Variants in ZFHX4 observed in about 807,000 individuals in gnomAD.
The protein encoded by ZFHX4 is zinc finger homeobox protein 4.
ZFHX4 carries 56 observed loss-of-function variants against 267.6 expected under a neutral mutation model. The ratio of observed to expected loss-of-function variants is 0.21; its 90% CI spans 0.17 to 0.26. The LOEUF is 0.26. ZFHX4 is among the 10% of genes least tolerant of loss of function. ZFHX4 has a pLI of 1.00. For missense variants in ZFHX4, 4,332 were observed against 4,420.0 expected, an observed-to-expected ratio of 0.98 and a Z score of 0.56; for synonymous variants, 1,778 against 1,665.6, an observed-to-expected ratio of 1.07 and a Z score of -1.64.
At chr8:76,810,024 T>C (rs1244637741) in intron 4 of ZFHX4, among the ~76,000 whole-genome samples, 2 of 152,176 alleles carry the variant, frequency 1.3e-5, no homozygotes, top group African/African-American at 2.4e-5. Context: ...CCCCATTTTT[T>C]TGAAGGTTAA....
chr8:76,703,221 T>G (rs1808150601), intron 1 of ZFHX4, among the ~76,000 whole-genome samples: 1 of 152,132 alleles, frequency 6.6e-6, no homozygotes, highest in Non-Finnish European at 1.5e-5. Context: ...AGGCAGTGGT[T>G]GAGAGATGGG....
At chr8:76,845,061 T>C (rs1243592966) in intron 6 of ZFHX4, among the ~76,000 whole-genome samples, 2 of 152,112 alleles carry the variant, frequency 1.3e-5, no homozygotes, top group African/African-American at 2.4e-5. Flanking sequence ...GGGAAGTAGT[T>C]TGACCCAACT....
At chr8:76,827,999 C>T (rs550768318) in intron 4 of ZFHX4, among the ~76,000 whole-genome samples, 263 of 152,296 alleles carry the variant, frequency 1.7e-3, no homozygotes, top group Non-Finnish European at 3.0e-3. Context: ...TACTCAAAAC[C>T]ATATGGTAGC....
chr8:76,853,033 C>A lies in ZFHX4; in HGVS notation c.6112C>A (p.Pro2038Thr). The change falls in exon 10 of 11, where the codon CCA becomes ACA. Residue 2038 changes from proline (P) to threonine (T), a missense_variant. Physicochemically the swap from Pro to Thr is conservative, Grantham distance 38. Coordinates refer to ENST00000651372, the MANE Select transcript of ZFHX4 (RefSeq NM_024721.5). ...PNTVSTPLQAPPPTPPPPPPP... is the reference protein window; with the variant it reads ...PNTVSTPLQATPPTPPPPPPP... ...CACGGTTTCTACTCCTCTGCAAGCT[C>A]CACCACCCACTCCTCCCCCACCACC... is the stretch of plus-strand genomic sequence containing the variant. The A allele has an allele frequency of 6.9e-7, 1 of 1,458,584 alleles. No homozygotes were observed. The highest frequency in any genetic ancestry group is 9.4e-7 in the Non-Finnish European group (1 of 1,066,850). 90.4% of individuals were successfully genotyped at this position (1,458,584 alleles called of 1,614,324 possible).
At chr8:76,685,373 TA>T (rs1236372012) in intron 1 of ZFHX4, among the ~76,000 whole-genome samples, 1 of 152,194 alleles carries the variant, frequency 6.6e-6, no homozygotes, top group African/African-American at 2.4e-5. Context: ...CTGGATGATT[TA>T]AAATCTTTCA....
In ZFHX4 at chr8:76,865,768, G is replaced by A. The variant is rs1026760727; in HGVS notation, c.*1203G>A. On this transcript the variant is annotated 3_prime_UTR_variant, in exon 11 of 11. Coordinates refer to ENST00000651372, the MANE Select transcript of ZFHX4 (RefSeq NM_024721.5). Reference sequence around the variant, plus strand: ...AGGTTAGCCCTGCGCACGTAGGACTGAATTCAGTGATATCCCTATACACTG... The same window carrying A: ...AGGTTAGCCCTGCGCACGTAGGACTAAATTCAGTGATATCCCTATACACTG... The A allele has an allele frequency of 6.6e-6, 1 of 152,566 alleles. No individual in the cohort carries two copies. The highest frequency in any genetic ancestry group is 1.5e-5 in the Non-Finnish European group (1 of 68,032). The allele number at this position is 152,566 out of a possible 1,614,324, so 9.5% of individuals were successfully genotyped here.
intron 2 of ZFHX4, 55 bp downstream of exon 2, chr8:76,706,733 T>A: frequency 6.8e-7 from 1 of 1,460,816 alleles, no homozygotes; most frequent in South Asian, 1.5e-5. Context: ...CATTTTGATT[T>A]GGCGTGATGC....
chr8:76,775,493 A>G (rs1203450654), intron 3 of ZFHX4, among the ~76,000 whole-genome samples: 1 of 152,212 alleles, frequency 6.6e-6, no homozygotes. Flanking sequence ...TTAAAACTTA[A>G]GACATTTCAA....
Position 76,863,652 on chromosome 8 carries a change from G to A in ZFHX4, c.9938G>A (p.Gly3313Asp). Residue 3313 changes from glycine (G) to aspartate (D), a missense_variant, in exon 11 of 11, where the codon GGT becomes GAT. Gly to Asp is a moderately conservative substitution (Grantham distance 94). Transcript: ENST00000651372. ...MPQTLAGLSP[G>D]ALLQQYQQYQ... ...CAGACACTGGCAGGTCTGTCCCCAG[G>A]TGCACTGTTGCAGCAGTACCAACAG... 6.2e-7 allele frequency: 1 copy of A among 1,610,976 alleles called. No individual in the cohort carries two copies.
At chr8:76,741,241 A>G (rs1809308258) in intron 3 of ZFHX4, among the ~76,000 whole-genome samples, 1 of 152,216 alleles carries the variant, frequency 6.6e-6, no homozygotes, top group South Asian at 2.1e-4. Flanking sequence ...AATATAATTC[A>G]TTCTCCAGAG....
chr8:76,811,506 A>G (rs984561960), intron 4 of ZFHX4, among the ~76,000 whole-genome samples: 11 of 152,154 alleles, frequency 7.2e-5, no homozygotes, highest in African/African-American at 2.7e-4. Flanking sequence ...ATCTTTCACT[A>G]GGAGTTAGTT....
chr8:76,783,825 A>G (rs1293931276), intron 4 of ZFHX4, among the ~76,000 whole-genome samples: 1 of 152,052 alleles, frequency 6.6e-6, no homozygotes, highest in Non-Finnish European at 1.5e-5. Context: ...AGTTGTCAAC[A>G]TTGTAAATAT....
At chr8:76,813,877 T>C (rs1368878685) in intron 4 of ZFHX4, among the ~76,000 whole-genome samples, 1 of 152,172 alleles carries the variant, frequency 6.6e-6, no homozygotes, top group Non-Finnish European at 1.5e-5. Flanking sequence ...AGCATTTGAT[T>C]ATTTCAGTTT....
At chr8:76,772,308 G>C (rs1318294365) in intron 3 of ZFHX4, among the ~76,000 whole-genome samples, 3 of 152,126 alleles carry the variant, frequency 2.0e-5, no homozygotes, top group African/African-American at 7.2e-5. Context: ...GATATGCTAA[G>C]ATAGCTTTTA....
chr8:76,711,992 A>T (rs1808436897), intron 3 of ZFHX4, among the ~76,000 whole-genome samples: 1 of 152,352 alleles, frequency 6.6e-6, no homozygotes, highest in South Asian at 2.1e-4. Context: ...AGGTGTTCAC[A>T]GCTTTGCTTG....
intron 6 of ZFHX4, among the ~76,000 whole-genome samples, chr8:76,846,110 C>T (rs1002160615): frequency 3.9e-5 from 6 of 151,918 alleles, no homozygotes; most frequent in Admixed American, 1.3e-4. Context: ...AGAAAAGAGA[C>T]CCCAGAGTTA....
In ZFHX4 at chr8:76,863,909, G is replaced by A. The variant is rs369130183; in HGVS notation, c.10195G>A (p.Val3399Ile). 184 of 1,584,628 alleles carry A rather than the reference G, an allele frequency of 1.2e-4. No homozygotes were observed. Among genetic ancestry groups the A allele is most frequent in the South Asian group, 4.1e-4 (36 of 87,274 alleles). Residue 3399 changes from valine (V) to isoleucine (I), a missense_variant, in exon 11 of 11, where the codon GTC becomes ATC. Around this residue, in one of 7 missense-constraint regions of ZFHX4, gnomAD observed 1,648 missense variants for 1,625.0 expected, o/e 1.01. Coordinates refer to ENST00000651372, the MANE Select transcript of ZFHX4 (RefSeq NM_024721.5). The part of the protein sequence containing the change: ...DFSDTYVVPF[V>I]KYEFICRKCQ... The stretch of plus-strand genomic sequence containing the variant: ...TTCAGACACTTACGTTGTTCCATTC[G>A]TCAAGTATGAGTTTATATGCAGAAA...
At chr8:76,843,493 G>T (rs955433340) in intron 6 of ZFHX4, among the ~76,000 whole-genome samples, 6 of 152,174 alleles carry the variant, frequency 3.9e-5, no homozygotes, top group African/African-American at 1.4e-4. Context: ...CCAGCATCTG[G>T]TGTGGATACC....
At chr8:76,826,617 G>T (rs971005069) in intron 4 of ZFHX4, among the ~76,000 whole-genome samples, 7 of 152,126 alleles carry the variant, frequency 4.6e-5, no homozygotes, top group African/African-American at 1.7e-4. Context: ...AATATTGTAT[G>T]ATTCCACTAA....
Sources: allele counts gnomAD v4.1 joint callset (sites outside exome capture counted in the v4.1 genomes callset), GRCh38; gene constraint gnomAD v4.1.1; regional missense constraint gnomAD v4.1.1; transcripts MANE v1.5; gene names NCBI Gene and HGNC (gene_info 2026-07-23, HGNC 2026-07-21).